The following RIMS2 variants were observed in gnomAD, a reference collection of about 807,000 sequenced individuals.
RIMS2 encodes the protein regulating synaptic membrane exocytosis protein 2.
RIMS2 carries 59 observed loss-of-function variants against 174.4 expected under a neutral mutation model. The ratio of observed to expected loss-of-function variants is 0.34; its 90% CI spans 0.27 to 0.42. RIMS2 has a LOEUF of 0.42. Among genes scored for constraint, RIMS2 ranks in the 10% least tolerant of loss-of-function variants. RIMS2 has a pLI of 1.00. For missense variants in RIMS2, 1,620 were observed against 1,666.3 expected (o/e 0.97, Z 0.48); for synonymous variants, 606 against 572.5 (o/e 1.06, Z -0.84).
chr8:103,865,505 GA>G (rs1441901493), intron 3 of RIMS2, among the ~76,000 whole-genome samples: 1 of 151,476 alleles, frequency 6.6e-6, no homozygotes, highest in Non-Finnish European at 1.5e-5. Flanking sequence ...GGCTGGTCTT[GA>G]ACTCCTGACC....
intron 19 of RIMS2, among the ~76,000 whole-genome samples, chr8:104,065,222 T>G (rs1284427526): frequency 6.6e-6 from 1 of 152,064 alleles, no homozygotes; most frequent in African/African-American, 2.4e-5. Flanking sequence ...TTGAACAAAA[T>G]TCATTCAATT....
chr8:103,926,576 T>C (rs1285130209), intron 10 of RIMS2, among the ~76,000 whole-genome samples: 3 of 151,562 alleles, frequency 2.0e-5, no homozygotes, highest in Non-Finnish European at 4.4e-5. Context: ...AACGTGTCTG[T>C]TCAATGCCAA....
At chr8:103,735,998 A>G (rs1004712817) in intron 2 of RIMS2, among the ~76,000 whole-genome samples, 1 of 152,218 alleles carries the variant, frequency 6.6e-6, no homozygotes, top group Non-Finnish European at 1.5e-5. Context: ...TTGCTCCTGC[A>G]TAGGTGCTAA....
chr8:103,914,013 A>G lies in RIMS2; in HGVS notation c.1813-1482A>G, dbSNP rs188677263. Among the ~76,000 whole-genome samples, 29 of 152,326 alleles carry G rather than the reference A, an allele frequency of 1.9e-4. No individual in the cohort carries two copies. The East Asian group carries it at 4.2e-3, about 22-fold the overall frequency. On this transcript the variant is annotated intron_variant, in intron 6 of 23. Transcript: ENST00000504942. Reference sequence around the variant, plus strand: ...TCAACCTGAGCATTTTATATCTGTTATCCTAGAACACTCACAATAGATGAG... The same window carrying G: ...TCAACCTGAGCATTTTATATCTGTTGTCCTAGAACACTCACAATAGATGAG...
chr8:104,226,126 A>G (rs2138884973), intron 19 of RIMS2, among the ~76,000 whole-genome samples: 1 of 152,294 alleles, frequency 6.6e-6, no homozygotes, highest in African/African-American at 2.4e-5. Flanking sequence ...TGTGAGACTC[A>G]TTCACATTTA....
At chr8:103,646,556 C>T (rs945860374) in intron 1 of RIMS2, among the ~76,000 whole-genome samples, 6 of 152,204 alleles carry the variant, frequency 3.9e-5, no homozygotes, top group African/African-American at 7.2e-5. Context: ...CACCCAGTTC[C>T]GACAGGCCTC....
At chr8:103,724,059 GC>G (rs906066980) in intron 2 of RIMS2, among the ~76,000 whole-genome samples, 2 of 75,718 alleles carry the variant, frequency 2.6e-5, no homozygotes, top group African/African-American at 5.1e-5. Flanking sequence ...TCCCCGCCCC[GC>G]CCCCCCACAG....
intron 5 of RIMS2, among the ~76,000 whole-genome samples, chr8:103,911,022 G>A (rs1022485725): frequency 4.7e-4 from 71 of 151,872 alleles, no homozygotes; most frequent in African/African-American, 1.7e-3. Context: ...TTGTTTTATT[G>A]TCATAGCATT....
At chr8:103,842,810 TG>T (rs1305542360) in intron 3 of RIMS2, among the ~76,000 whole-genome samples, 1 of 152,218 alleles carries the variant, frequency 6.6e-6, no homozygotes, top group African/African-American at 2.4e-5. Flanking sequence ...TACCATAAAC[TG>T]GGTGGCTTAA....
At chr8:103,654,380 T>C (rs2096496504) in intron 1 of RIMS2, among the ~76,000 whole-genome samples, 1 of 152,024 alleles carries the variant, frequency 6.6e-6, no homozygotes. Flanking sequence ...GATTTTTGTA[T>C]AGGAAGATGG....
At chr8:103,746,884 A>G (rs1018750904) in intron 2 of RIMS2, among the ~76,000 whole-genome samples, 5 of 151,580 alleles carry the variant, frequency 3.3e-5, no homozygotes, top group Non-Finnish European at 7.4e-5. Context: ...GTTTCATCAT[A>G]TTAGCCAGGT....
At chr8:104,033,921 G>A (rs1390113169) in intron 19 of RIMS2, among the ~76,000 whole-genome samples, 1 of 152,056 alleles carries the variant, frequency 6.6e-6, no homozygotes. Context: ...CAGAAGACAT[G>A]TTTGGAGTTA....
chr8:104,068,545 T>C, intron 19 of RIMS2: 1 of 1,567,676 alleles, frequency 6.4e-7, no homozygotes, highest in Non-Finnish European at 8.6e-7. Context: ...AATCGCCAAA[T>C]GAAAATTAAC....
chr8:103,881,820 G>A (rs777842527), intron 3 of RIMS2, among the ~76,000 whole-genome samples: 15 of 151,298 alleles, frequency 9.9e-5, no homozygotes, highest in Non-Finnish European at 8.9e-5. Context: ...AAAAGAGAAA[G>A]CAATTCTAAC....
At chr8:104,159,565 T>G (rs996678708) in intron 19 of RIMS2, among the ~76,000 whole-genome samples, 4 of 152,138 alleles carry the variant, frequency 2.6e-5, no homozygotes, top group African/African-American at 9.7e-5. Context: ...TTTCTTCAGA[T>G]CCTTGCCAAT....
chr8:104,167,649 C>A (rs138943977), intron 19 of RIMS2, among the ~76,000 whole-genome samples: 4 of 152,182 alleles, frequency 2.6e-5, no homozygotes, highest in Admixed American at 1.3e-4. Flanking sequence ...CTGATTATTT[C>A]TTTTGCTATA....
intron 15 of RIMS2, among the ~76,000 whole-genome samples, chr8:103,968,292 A>C (rs956993748): frequency 1.4e-4 from 22 of 152,122 alleles, no homozygotes; most frequent in African/African-American, 4.6e-4. Flanking sequence ...CGAATCTGAC[A>C]GTCTCTTTTA....
chr8:103,839,021 C>T (rs1327179413), intron 3 of RIMS2, among the ~76,000 whole-genome samples: 3 of 152,070 alleles, frequency 2.0e-5, no homozygotes, highest in Non-Finnish European at 2.9e-5. Flanking sequence ...GCCAAGATCG[C>T]GCCACTGCAC....
At chr8:103,573,230 ATT>A (rs147329261) in intron 1 of RIMS2, among the ~76,000 whole-genome samples, 47 of 139,830 alleles carry the variant, frequency 3.4e-4, no homozygotes, top group African/African-American at 1.1e-3. Context: ...TAATTTTTGT[ATT>A]TTTTTTTTTT....
Sources: gnomAD v4.1 joint callset for allele counts (sites outside exome capture counted in the v4.1 genomes callset) on GRCh38, gnomAD v4.1.1 for gene constraint, MANE v1.5 for transcripts, NCBI Gene and HGNC (gene_info 2026-07-23, HGNC 2026-07-21) for gene names.